Variants in LYPD6B observed in about 807,000 individuals in gnomAD.
LYPD6B encodes the protein LY6/PLAUR domain containing 6B.
Under a neutral mutation model 22.8 loss-of-function variants are expected in LYPD6B, and 17 were observed. That is an observed-to-expected ratio of 0.75 (90% confidence interval 0.51 to 1.12). LYPD6B has a LOEUF of 1.12. Ranked by LOEUF, LYPD6B falls within the 50% of genes most tolerant of loss-of-function variation. The pLI is 0.00. For synonymous variants in LYPD6B, 106 were observed against 91.6 expected, an observed-to-expected ratio of 1.16 and a Z score of -0.90; for missense variants, 221 against 258.3, an observed-to-expected ratio of 0.86 and a Z score of 0.99.
chr2:149,166,843 A>G (rs1167592556), intron 3 of LYPD6B, among the ~76,000 whole-genome samples: 1 of 152,080 alleles, frequency 6.6e-6, no homozygotes, highest in Non-Finnish European at 1.5e-5. Context: ...AGATCACAGG[A>G]TGGGGACTAG....
intron 3 of LYPD6B, among the ~76,000 whole-genome samples, chr2:149,189,010 T>C (rs545721972): frequency 6.9e-4 from 105 of 152,242 alleles, no homozygotes; most frequent in Non-Finnish European, 1.4e-3. Context: ...TGCCAAAATA[T>C]TTAGCTTTTT....
At chr2:149,041,843 G>A (rs953520096) in intron 1 of LYPD6B, among the ~76,000 whole-genome samples, 1 of 152,176 alleles carries the variant, frequency 6.6e-6, no homozygotes, top group African/African-American at 2.4e-5. Context: ...TCCTCAACAA[G>A]CTTACACCTG....
chr2:149,190,047 T>C (rs11676237), intron 3 of LYPD6B, among the ~76,000 whole-genome samples: 126,521 of 152,172 alleles, frequency 0.83, 54,239 homozygotes, highest in South Asian at 0.97. Flanking sequence ...AGTTATACTC[T>C]GAGAAGTCCC....
chr2:149,053,701 A>C (rs1384399778), intron 1 of LYPD6B, among the ~76,000 whole-genome samples: 2 of 152,206 alleles, frequency 1.3e-5, no homozygotes, highest in African/African-American at 4.8e-5. Flanking sequence ...TTATCACTCC[A>C]AAAAGAAATC....
intron 1 of LYPD6B, among the ~76,000 whole-genome samples, chr2:149,062,860 CTTTTT>C: frequency 1.1e-5 from 1 of 93,548 alleles, no homozygotes. Flanking sequence ...GATACATGTT[CTTTTT>C]TTTTTTTTTT....
intron 2 of LYPD6B, among the ~76,000 whole-genome samples, chr2:149,133,979 G>T (rs1688189642): frequency 6.6e-6 from 1 of 152,102 alleles, no homozygotes; most frequent in Non-Finnish European, 1.5e-5. Flanking sequence ...GGTGGCAAGT[G>T]CTATGCGAAA....
chr2:149,096,984 C>T (rs1300591124), intron 1 of LYPD6B, among the ~76,000 whole-genome samples: 2 of 152,244 alleles, frequency 1.3e-5, no homozygotes, highest in African/African-American at 4.8e-5. Context: ...AATCTCCATT[C>T]TCAATGGGAG....
intron 1 of LYPD6B, among the ~76,000 whole-genome samples, chr2:149,092,979 G>A (rs1387019420): frequency 1.3e-5 from 2 of 152,190 alleles, no homozygotes; most frequent in African/African-American, 4.8e-5. Context: ...GGAATAGTTG[G>A]CATCAGCAGG....
intron 1 of LYPD6B, among the ~76,000 whole-genome samples, chr2:149,085,721 A>T (rs1351809344): frequency 6.6e-6 from 1 of 152,260 alleles, no homozygotes; most frequent in East Asian, 1.9e-4. Flanking sequence ...GAATTTGGTG[A>T]TGAATAAATA....
chr2:149,126,664 C>A (rs1687714971), intron 1 of LYPD6B, among the ~76,000 whole-genome samples: 1 of 152,132 alleles, frequency 6.6e-6, no homozygotes, highest in Non-Finnish European at 1.5e-5. Context: ...ACAGTTCAAA[C>A]CTGTGTCGTT....
intron 3 of LYPD6B, among the ~76,000 whole-genome samples, chr2:149,167,258 G>C (rs1462778922): frequency 6.6e-6 from 1 of 152,130 alleles, no homozygotes; most frequent in East Asian, 1.9e-4. Flanking sequence ...GAATGGCCCA[G>C]GACAGACTAC....
At chr2:149,129,587 A>T (rs1403167972) in intron 1 of LYPD6B, among the ~76,000 whole-genome samples, 1 of 152,220 alleles carries the variant, frequency 6.6e-6, no homozygotes, top group East Asian at 1.9e-4. Flanking sequence ...AGTCAACGGA[A>T]TGCAGCCTCA....
intron 3 of LYPD6B, among the ~76,000 whole-genome samples, chr2:149,168,878 C>T (rs1168459493): frequency 1.3e-5 from 2 of 152,038 alleles, no homozygotes; most frequent in Admixed American, 6.6e-5. Context: ...AGCAGTATAC[C>T]CAAACAGATT....
At chr2:149,123,184 T>C (rs1168750766) in intron 1 of LYPD6B, among the ~76,000 whole-genome samples, 1 of 152,222 alleles carries the variant, frequency 6.6e-6, no homozygotes, top group Non-Finnish European at 1.5e-5. Flanking sequence ...CAGTGATCAG[T>C]ACCATACAGC....
At chr2:149,182,904 G>A (rs995112174) in intron 3 of LYPD6B, among the ~76,000 whole-genome samples, 1 of 152,194 alleles carries the variant, frequency 6.6e-6, no homozygotes, top group Non-Finnish European at 1.5e-5. Flanking sequence ...CATTATAAAA[G>A]TGAGTGCTCT....
In LYPD6B at chr2:149,083,369, T is replaced by C. The variant is rs1352462475; in HGVS notation, c.-67+44568T>C. ...ATGATTCTGTTTCACACTTATCTAA[T>C]AATATCTAGCACATTTTCGAATTTC... On this transcript the variant is annotated intron_variant, in intron 1 of 6. Transcript: ENST00000409642. Among the ~76,000 whole-genome samples the C allele has an allele frequency of 2.6e-5, 4 of 152,248 alleles. No individual in the cohort carries two copies. In the East Asian group the frequency reaches 7.7e-4, roughly 29 times the overall value.
At chr2:149,068,247 C>T (rs974916945) in intron 1 of LYPD6B, among the ~76,000 whole-genome samples, 46 of 152,162 alleles carry the variant, frequency 3.0e-4, no homozygotes, top group African/African-American at 1.1e-3. Context: ...CATCATTGCC[C>T]TCAATAATGC....
At chr2:149,206,439 T>A (rs756696962) in intron 4 of LYPD6B, among the ~76,000 whole-genome samples, 30 of 152,156 alleles carry the variant, frequency 2.0e-4, no homozygotes, top group Non-Finnish European at 2.9e-4. Context: ...ATACTACACA[T>A]ACACACCTTG....
intron 3 of LYPD6B, among the ~76,000 whole-genome samples, chr2:149,174,419 T>C (rs1256756297): frequency 6.6e-6 from 1 of 152,188 alleles, no homozygotes; most frequent in Non-Finnish European, 1.5e-5. Flanking sequence ...TCCAATACTA[T>C]GTTAAATAGG....
Sources: gnomAD v4.1 joint callset for allele counts (sites outside exome capture counted in the v4.1 genomes callset) on GRCh38, gnomAD v4.1.1 for gene constraint, MANE v1.5 for transcripts, NCBI Gene and HGNC (gene_info 2026-07-23, HGNC 2026-07-21) for gene names.